Variants in TASP1 observed in about 807,000 individuals in gnomAD.
TASP1 encodes the protein threonine aspartase 1.
TASP1 carries 16 observed loss-of-function variants against 56.6 expected under a neutral mutation model. That is an observed-to-expected ratio of 0.28 (90% CI 0.19 to 0.43). The LOEUF (loss-of-function observed/expected upper bound fraction) is 0.43, where lower values mean the gene tolerates loss of function less well. TASP1 is among the 20% of genes least tolerant of loss of function. The pLI is 1.00. For missense variants in TASP1, 393 were observed against 511.6 expected (o/e 0.77, Z 2.24); for synonymous variants, 179 against 184.2 (o/e 0.97, Z 0.23).
chr20:13,202,150 G>C, the TASP1 span, among the ~76,000 whole-genome samples: 21 of 152,300 alleles, frequency 1.4e-4, no homozygotes, highest in South Asian at 2.5e-3. Context: ...TTAGCAACCA[G>C]CTTTGCAGGG....
chr20:13,482,003 T>A (rs2043156170), intron 11 of TASP1, among the ~76,000 whole-genome samples: 1 of 152,194 alleles, frequency 6.6e-6, no homozygotes, highest in Admixed American at 6.5e-5. Context: ...CAGACCAATG[T>A]CCTAGAGATT....
At chr20:13,156,409 C>T in the TASP1 span, among the ~76,000 whole-genome samples, 2 of 152,106 alleles carry the variant, frequency 1.3e-5, no homozygotes, top group South Asian at 4.1e-4. Flanking sequence ...GAACGATATG[C>T]TTCATATAAA....
Position 13,434,479 on chromosome 20 carries a change from C to T in TASP1, c.1096+565G>A, listed in dbSNP as rs189021319. ...CAAAACCACACATCTGGATGGAAATCTGCAAATCTGCGAAAATACTCATTT... is the reference window on the plus strand; with the variant it reads ...CAAAACCACACATCTGGATGGAAATTTGCAAATCTGCGAAAATACTCATTT... On this transcript the variant is annotated intron_variant, in intron 12 of 13. Coordinates refer to ENST00000337743, the MANE Select transcript of TASP1 (RefSeq NM_017714.3). 2.4e-4 allele frequency among the ~76,000 whole-genome samples: 36 copies of T among 152,258 alleles called. No homozygotes were observed. The East Asian group carries it at 6.9e-3, about 29-fold the overall frequency.
chr20:13,512,423 C>T (rs540868488), intron 10 of TASP1, among the ~76,000 whole-genome samples: 3 of 152,300 alleles, frequency 2.0e-5, no homozygotes, highest in South Asian at 2.1e-4. Flanking sequence ...AGTGTCTGTT[C>T]ATCTTCTTTG....
chr20:13,438,644 A>G (rs960354884), intron 11 of TASP1, among the ~76,000 whole-genome samples: 1 of 152,242 alleles, frequency 6.6e-6, no homozygotes, highest in Non-Finnish European at 1.5e-5. Context: ...CAAAAGCCAA[A>G]ATTGACAAAT....
At chr20:13,536,215 C>T (rs1415688403) in intron 8 of TASP1, among the ~76,000 whole-genome samples, 4 of 152,108 alleles carry the variant, frequency 2.6e-5, no homozygotes, top group Non-Finnish European at 4.4e-5. Flanking sequence ...GACTGTATAT[C>T]TAACAATATT....
At chr20:13,358,204 G>A in the TASP1 span, among the ~76,000 whole-genome samples, 12 of 152,128 alleles carry the variant, frequency 7.9e-5, no homozygotes, top group East Asian at 3.9e-4. Flanking sequence ...CCTATAAAAC[G>A]GCCCCACCCT....
chr20:13,282,629 C>G, the TASP1 span, among the ~76,000 whole-genome samples: 1 of 152,190 alleles, frequency 6.6e-6, no homozygotes, highest in African/African-American at 2.4e-5. Context: ...CATGGAGAAG[C>G]TCCATCCTGT....
At chr20:13,505,476 G>C (rs2044096115) in intron 10 of TASP1, among the ~76,000 whole-genome samples, 1 of 152,102 alleles carries the variant, frequency 6.6e-6, no homozygotes, top group Non-Finnish European at 1.5e-5. Context: ...CAACTCTGCA[G>C]GATTTTCTCA....
At chr20:13,579,096 AT>A (rs1397980378) in intron 6 of TASP1, among the ~76,000 whole-genome samples, 1 of 152,218 alleles carries the variant, frequency 6.6e-6, no homozygotes, top group Non-Finnish European at 1.5e-5. Flanking sequence ...TACTGGGTAC[AT>A]ATCTTCTAAA....
the TASP1 span, among the ~76,000 whole-genome samples, chr20:13,143,278 A>G: frequency 1.3e-5 from 2 of 152,180 alleles, no homozygotes; most frequent in African/African-American, 4.8e-5. Flanking sequence ...CAGTGAGTCC[A>G]GTCTTTGGTT....
chr20:13,311,409 T>C, the TASP1 span, among the ~76,000 whole-genome samples: 1,044 of 152,282 alleles, frequency 6.9e-3, 9 homozygotes, highest in Non-Finnish European at 0.011. Flanking sequence ...AGAACTACCA[T>C]GTAATCTAGC....
At chr20:13,142,774 A>G in the TASP1 span, among the ~76,000 whole-genome samples, 2 of 152,172 alleles carry the variant, frequency 1.3e-5, no homozygotes, top group South Asian at 2.1e-4. Flanking sequence ...TTGGGGCTGT[A>G]GGACTGAGAT....
At chr20:13,270,623 C>G in the TASP1 span, 1 of 1,614,006 alleles carries the variant, frequency 6.2e-7, no homozygotes. Context: ...GACCGCGATT[C>G]CGACAAGAGA....
the TASP1 span, among the ~76,000 whole-genome samples, chr20:13,274,858 G>A: frequency 2.0e-5 from 3 of 152,142 alleles, no homozygotes; most frequent in African/African-American, 2.4e-5. Context: ...AAGAAAATGC[G>A]CAAAATAGAA....
At chr20:13,174,312 A>G in the TASP1 span, among the ~76,000 whole-genome samples, 1 of 152,226 alleles carries the variant, frequency 6.6e-6, no homozygotes, top group Admixed American at 6.5e-5. Flanking sequence ...AATGAGAGAG[A>G]GGCAACTTGA....
chr20:13,512,550 G>A (rs2044374530), intron 10 of TASP1, among the ~76,000 whole-genome samples: 1 of 152,142 alleles, frequency 6.6e-6, no homozygotes, highest in African/African-American at 2.4e-5. Flanking sequence ...CATTCTGTAG[G>A]TTGCCTGTTC....
intron 8 of TASP1, among the ~76,000 whole-genome samples, chr20:13,554,150 G>A (rs775367518): frequency 1.3e-5 from 2 of 152,104 alleles, no homozygotes; most frequent in Non-Finnish European, 2.9e-5. Context: ...TGAGGCAAAG[G>A]TATAAGAAAA....
chr20:13,535,271 G>C (rs2045371898), intron 8 of TASP1, among the ~76,000 whole-genome samples: 1 of 152,184 alleles, frequency 6.6e-6, no homozygotes. Flanking sequence ...CAACATTGAA[G>C]AGTTTCTAAA....
Sources: gnomAD v4.1 joint callset for allele counts (sites outside exome capture counted in the v4.1 genomes callset) on GRCh38, gnomAD v4.1.1 for gene constraint, MANE v1.5 for transcripts, NCBI Gene and HGNC (gene_info 2026-07-23, HGNC 2026-07-21) for gene names.